Variants in MAP2K5 observed in about 807,000 individuals in gnomAD.
MAP2K5 encodes the protein dual specificity mitogen-activated protein kinase kinase 5.
Under a neutral mutation model 83.1 loss-of-function variants are expected in MAP2K5, and 49 were observed. The ratio of observed to expected loss-of-function variants is 0.59; its 90% CI spans 0.47 to 0.75. The LOEUF (loss-of-function observed/expected upper bound fraction) is 0.75, where lower values mean the gene tolerates loss of function less well. MAP2K5 is among the 30% of genes least tolerant of loss of function. The pLI is 0.00. For missense variants in MAP2K5, 457 were observed against 557.5 expected, an observed-to-expected ratio of 0.82 and a Z score of 1.82; for synonymous variants, 202 against 191.8, an observed-to-expected ratio of 1.05 and a Z score of -0.44.
At position 67,774,245 on chromosome 15, in the gene MAP2K5, A is replaced by G. The variant is rs146033282; in HGVS notation, c.1242+1493A>G. 8.2e-4 allele frequency among the ~76,000 whole-genome samples: 124 copies of G among 152,040 alleles called. No individual in the cohort carries two copies. Among genetic ancestry groups the G allele is most frequent in the African/African-American group, 2.8e-3 (115 of 41,472 alleles). On this transcript the variant is annotated intron_variant, in intron 21 of 21. Transcript: ENST00000178640. This position sits in a 1 kb window ranked among gnomAD's most constrained non-coding sequence, Gnocchi z 4.9. Reference sequence around the variant, plus strand: ...TAGATATATCTCTTTACAACTCTATACCCTGTTGTGTGCTGTCCCACATTT... The same window carrying G: ...TAGATATATCTCTTTACAACTCTATGCCCTGTTGTGTGCTGTCCCACATTT...
chr15:67,560,239 G>A (rs2084706516), intron 2 of MAP2K5, among the ~76,000 whole-genome samples: 1 of 152,216 alleles, frequency 6.6e-6, no homozygotes, highest in South Asian at 2.1e-4. Context: ...TTGCTCTTGG[G>A]CTGCCATCAA....
At chr15:67,634,670 A>G (rs1160734610) in intron 9 of MAP2K5, among the ~76,000 whole-genome samples, 1 of 152,156 alleles carries the variant, frequency 6.6e-6, no homozygotes, top group Non-Finnish European at 1.5e-5. Context: ...GACATTATGA[A>G]GTAACCTTCT....
chr15:67,692,218 G>T (rs973720623), intron 13 of MAP2K5, among the ~76,000 whole-genome samples: 24 of 152,158 alleles, frequency 1.6e-4, no homozygotes, highest in African/African-American at 5.3e-4. Context: ...GTTGTTGTAA[G>T]CCAAGGTTTG....
chr15:67,792,187 A>G (rs2090529716), intron 21 of MAP2K5, among the ~76,000 whole-genome samples: 1 of 152,246 alleles, frequency 6.6e-6, no homozygotes, highest in African/African-American at 2.4e-5. Context: ...GGTGGAAAGA[A>G]AAAAACTAGG....
chr15:67,613,124 C>T (rs1358473347), intron 8 of MAP2K5, among the ~76,000 whole-genome samples: 1 of 152,152 alleles, frequency 6.6e-6, no homozygotes, highest in African/African-American at 2.4e-5. Flanking sequence ...CTGATTAAAA[C>T]TTATCCAACC....
At position 67,727,824 on chromosome 15, in the gene MAP2K5, G is replaced by C. The variant is rs868059650; in HGVS notation, c.1045-92G>C. The C allele has an allele frequency of 1.0e-5, 9 of 884,746 alleles. No homozygotes were observed. In the Middle Eastern group the frequency reaches 1.3e-3, roughly 127 times the overall value. The allele number at this position is 884,746 out of a possible 1,614,324, so 54.8% of individuals were successfully genotyped here. A position where few individuals can be genotyped will look rare whatever the true frequency, so the allele number is the denominator to read the frequency against. ...GTTGTGAACTTTTTTATATTTGCTG[G>C]ATGCAGTTCTGAAATTTAGTACTTG... is the stretch of plus-strand genomic sequence containing the variant. On this transcript the variant is annotated intron_variant, in intron 16 of 21. Coordinates refer to ENST00000178640, the MANE Select transcript of MAP2K5 (RefSeq NM_145160.3).
intron 13 of MAP2K5, among the ~76,000 whole-genome samples, chr15:67,683,482 C>G (rs1030982206): frequency 6.6e-5 from 10 of 152,086 alleles, no homozygotes; most frequent in Non-Finnish European, 1.5e-4. Flanking sequence ...GAAAGGGAGG[C>G]GGGGTGTGGT....
In MAP2K5 at chr15:67,676,499, C is replaced by A. The variant is rs1190625380; in HGVS notation, c.847+11854C>A. ...GCAGTTGGAAGAGCTCTCCATGTCT[C>A]TTCCTTTCTCTAAAGGCATGGTTGA... On this transcript the variant is annotated intron_variant, in intron 13 of 21. Transcript: ENST00000178640. This position sits in a 1 kb window ranked among gnomAD's most constrained non-coding sequence, Gnocchi z 4.8. Among the ~76,000 whole-genome samples the A allele has an allele frequency of 6.6e-6, 1 of 152,126 alleles. No individual in the cohort carries two copies. The highest frequency in any genetic ancestry group is 2.4e-5 in the African/African-American group (1 of 41,416).
In MAP2K5 at chr15:67,764,847, T is replaced by C. The variant is rs2090013341; in HGVS notation, c.1135-4755T>C. Among the ~76,000 whole-genome samples, 1 of 152,204 alleles carries C rather than the reference T, an allele frequency of 6.6e-6. No homozygotes were observed. The highest frequency in any genetic ancestry group is 2.1e-4 in the South Asian group (1 of 4,834). ...CAAAAGGCCCTTAACTTTTTTCCAG[T>C]TGAGTATTTATGCCAGCCTTCTCCC... On this transcript the variant is annotated intron_variant, in intron 19 of 21. Transcript: ENST00000178640. This position sits in a 1 kb window ranked among gnomAD's most constrained non-coding sequence, Gnocchi z 4.9.
rs10609519 is a variant in MAP2K5 at position 67,710,497 on chromosome 15, G to GTTTT, written c.1044+7110_1044+7113dup. Reference sequence around the variant, plus strand: ...CATCCAAGTAACATCATCTTCTGAAGTTTTTTTTTTTTTTTTTTTTTTTTG... The same window carrying GTTTT: ...CATCCAAGTAACATCATCTTCTGAAGTTTTTTTTTTTTTTTTTTTTTTTTTTTTG... On this transcript the variant is annotated intron_variant, in intron 16 of 21. Coordinates refer to ENST00000178640, the MANE Select transcript of MAP2K5 (RefSeq NM_145160.3). 1.1e-3 allele frequency among the ~76,000 whole-genome samples: 87 copies of GTTTT among 81,038 alleles called. 1 individual carries two copies. Among genetic ancestry groups the GTTTT allele is most frequent in the East Asian group, 1.7e-3 (5 of 2,952 alleles). The allele number at this position is 81,038 out of a possible 152,430, so 53.2% of individuals were successfully genotyped here.
chr15:67,599,971 T>C (rs111748545), intron 7 of MAP2K5, among the ~76,000 whole-genome samples: 1,820 of 150,590 alleles, frequency 0.012, 47 homozygotes, highest in African/African-American at 0.042. Flanking sequence ...ATAGGTTTTA[T>C]AGAACCTTGA....
chr15:67,759,416 C>A (rs2089905755), intron 19 of MAP2K5, among the ~76,000 whole-genome samples: 1 of 151,834 alleles, frequency 6.6e-6, no homozygotes, highest in African/African-American at 2.4e-5. Flanking sequence ...AAAAATTAGC[C>A]AAGCATGGTG....
rs897409045 is a variant in MAP2K5, at chr15:67,587,689, G to A, written c.431+776G>A. The stretch of plus-strand genomic sequence containing the variant: ...AACGTTTTAGTTAAGCCCTCAGAAC[G>A]TGGTTGTTCCCTCTTCCAGGTCAAC... On this transcript the variant is annotated intron_variant, in intron 6 of 21. Coordinates refer to ENST00000178640, the MANE Select transcript of MAP2K5 (RefSeq NM_145160.3). The surrounding 1 kb of genome is among the most constrained non-coding windows in gnomAD (Gnocchi z 4.8). 3.3e-5 allele frequency among the ~76,000 whole-genome samples: 5 copies of A among 152,130 alleles called. No homozygotes were observed. Among genetic ancestry groups the A allele is most frequent in the Middle Eastern group, 3.2e-3 (1 of 316 alleles).
chr15:67,583,970 A>T (rs562502674), intron 4 of MAP2K5, among the ~76,000 whole-genome samples: 1 of 143,518 alleles, frequency 7.0e-6, no homozygotes, highest in Non-Finnish European at 1.5e-5. Flanking sequence ...GCTGGTGTCA[A>T]ACTCCTGAGC....
At chr15:67,549,085 C>T in intron 1 of MAP2K5, 1 of 1,530,036 alleles carries the variant, frequency 6.5e-7, no homozygotes, top group Non-Finnish European at 8.7e-7. Flanking sequence ...TGTCAGCCGG[C>T]TGCCTGGTGC....
intron 13 of MAP2K5, among the ~76,000 whole-genome samples, chr15:67,673,740 A>G (rs1274568693): frequency 6.7e-6 from 1 of 150,130 alleles, no homozygotes; most frequent in African/African-American, 2.5e-5. Context: ...CTTTGTAACA[A>G]TCTGTTTTTT....
chr15:67,574,294 G>A (rs1405314019), intron 3 of MAP2K5, among the ~76,000 whole-genome samples: 1 of 152,154 alleles, frequency 6.6e-6, no homozygotes, highest in Non-Finnish European at 1.5e-5. Context: ...TTAGTAGGCT[G>A]GGCATAGTGG....
Position 67,573,470 on chromosome 15 carries a change from G to C in MAP2K5, c.253-7284G>C, listed in dbSNP as rs1391228723. The stretch of plus-strand genomic sequence containing the variant: ...CGTGAGAATCCACTCACTATCATGA[G>C]AACAGCAAGGGGGAAATCCACCCCC... On this transcript the variant is annotated intron_variant, in intron 3 of 21. Coordinates refer to ENST00000178640, the MANE Select transcript of MAP2K5 (RefSeq NM_145160.3). The surrounding 1 kb of genome is among the most constrained non-coding windows in gnomAD (Gnocchi z 4.2). 6.6e-6 allele frequency among the ~76,000 whole-genome samples: 1 copy of C among 152,076 alleles called. No homozygotes were observed. The highest frequency in any genetic ancestry group is 1.5e-5 in the Non-Finnish European group (1 of 68,008).
At chr15:67,723,943 C>G (rs1211118854) in intron 16 of MAP2K5, among the ~76,000 whole-genome samples, 3 of 152,116 alleles carry the variant, frequency 2.0e-5, no homozygotes, top group Non-Finnish European at 4.4e-5. Flanking sequence ...GTTGGCTGAA[C>G]TTAAACCATT....
Sources: allele counts gnomAD v4.1 joint callset (sites outside exome capture counted in the v4.1 genomes callset), GRCh38; gene constraint gnomAD v4.1.1; non-coding constraint Gnocchi (gnomAD v3.1); transcripts MANE v1.5; gene names NCBI Gene and HGNC (gene_info 2026-07-23, HGNC 2026-07-21).